The following TRIM55 variants were observed in gnomAD, a reference collection of about 807,000 sequenced individuals.
The protein encoded by TRIM55 is tripartite motif-containing protein 55.
In TRIM55, 50 loss-of-function variants were observed where a neutral mutation model predicts 60.9. The observed-to-expected ratio is 0.82, with a 90% CI of 0.65 to 1.04. The LOEUF (loss-of-function observed/expected upper bound fraction) is 1.04, where lower values mean the gene tolerates loss of function less well. Among genes scored for constraint, TRIM55 ranks in the 50% least tolerant of loss-of-function variants. The probability of loss-of-function intolerance (pLI) is 0.00; values close to 1 mark genes in which losing one functional copy is unlikely to be tolerated. For missense variants in TRIM55, 681 were observed against 666.9 expected (o/e 1.02, Z -0.23); for synonymous variants, 237 against 238.1 (o/e 1.00, Z 0.04).
chr8:66,155,630 T>G (rs369802018), intron 9 of TRIM55: 2 of 1,604,704 alleles, frequency 1.2e-6, no homozygotes, highest in Non-Finnish European at 1.7e-6. Flanking sequence ...CAGGAGTTAG[T>G]AATCTGCCTA....
upstream of TRIM55, among the ~76,000 whole-genome samples, chr8:66,125,227 C>T (rs562064059): frequency 1.1e-4 from 16 of 152,326 alleles, no homozygotes; most frequent in African/African-American, 3.4e-4. Context: ...CAAACTTTCT[C>T]GATTGAGACC....
the TRIM55 span, chr8:66,114,551 T>G: frequency 2.2e-6 from 1 of 456,226 alleles, no homozygotes; most frequent in African/African-American, 2.0e-5. Flanking sequence ...ATAAGATGTC[T>G]GCATTTCCAG....
chr8:66,124,650 T>C (rs1021812017), upstream of TRIM55, among the ~76,000 whole-genome samples: 1 of 152,240 alleles, frequency 6.6e-6, no homozygotes, highest in Non-Finnish European at 1.5e-5. Flanking sequence ...CCAAAATCAT[T>C]AAGCCAAAGG....
intron 8 of TRIM55, 49 bp downstream of exon 8, chr8:66,152,676 T>C (rs746785676): frequency 4.4e-6 from 7 of 1,580,512 alleles, no homozygotes; most frequent in Non-Finnish European, 6.0e-6. Flanking sequence ...CGTGTCTCCT[T>C]ATGGAATAGC....
intron 4 of TRIM55, among the ~76,000 whole-genome samples, chr8:66,137,758 GA>G (rs34634925): frequency 0.38 from 44,012 of 116,156 alleles, 7,514 homozygotes; most frequent in Middle Eastern, 0.5. Flanking sequence ...AATCAACACT[GA>G]AAAAAAAAAA....
chr8:66,136,099 A>G (rs1420913039), intron 3 of TRIM55, among the ~76,000 whole-genome samples: 3 of 152,220 alleles, frequency 2.0e-5, no homozygotes. Flanking sequence ...GATTTTGCAA[A>G]TTATCCACAA....
At chr8:66,116,334 T>C in the TRIM55 span, among the ~76,000 whole-genome samples, 522 of 152,194 alleles carry the variant, frequency 3.4e-3, 1 homozygote, top group African/African-American at 0.012. Context: ...CAGGTCGGCA[T>C]GGTGGCTCAT....
chr8:66,152,060 A>G lies in TRIM55; in HGVS notation c.986-317A>G, dbSNP rs1006087718. On this transcript the variant is annotated intron_variant, in intron 7 of 9. Coordinates refer to ENST00000315962, the MANE Select transcript of TRIM55 (RefSeq NM_184085.2). ...TAAGTGACAATCCCAGGCCTCCAGG[A>G]GCTTGCAGATGTGGCAGACTGTAAT... is the stretch of plus-strand genomic sequence containing the variant. Among the ~76,000 whole-genome samples the G allele has an allele frequency of 4.6e-5, 7 of 152,216 alleles. No homozygotes were observed. The South Asian group carries it at 6.2e-4, about 14-fold the overall frequency.
the TRIM55 span, chr8:66,113,552 A>T: frequency 2.2e-6 from 1 of 456,152 alleles, no homozygotes; most frequent in Non-Finnish European, 4.4e-6. Context: ...GAGCAGTTTG[A>T]AAGTCTAGCG....
intron 9 of TRIM55, among the ~76,000 whole-genome samples, chr8:66,166,796 T>G (rs1206709964): frequency 6.6e-6 from 1 of 152,106 alleles, no homozygotes; most frequent in Non-Finnish European, 1.5e-5. Context: ...CTCCACCAAG[T>G]GGGGCATGCA....
At chr8:66,151,097 G>A (rs1308961717) in intron 7 of TRIM55, among the ~76,000 whole-genome samples, 1 of 152,214 alleles carries the variant, frequency 6.6e-6, no homozygotes, top group Non-Finnish European at 1.5e-5. Context: ...GTCAGCAGGA[G>A]CAAGGTTAAA....
At chr8:66,157,872 T>C (rs550105988) in intron 9 of TRIM55, among the ~76,000 whole-genome samples, 1 of 152,274 alleles carries the variant, frequency 6.6e-6, no homozygotes, top group South Asian at 2.1e-4. Context: ...AAACCGGTCA[T>C]GGCAAAAACC....
chr8:66,126,417 A>C (rs1374758796), upstream of TRIM55, among the ~76,000 whole-genome samples: 1 of 152,202 alleles, frequency 6.6e-6, no homozygotes, highest in African/African-American at 2.4e-5. Flanking sequence ...AGGGCCAAGG[A>C]AGAGGAAAGC....
intron 4 of TRIM55, among the ~76,000 whole-genome samples, chr8:66,147,958 T>C (rs1810196123): frequency 2.0e-5 from 3 of 152,134 alleles, no homozygotes; most frequent in Non-Finnish European, 4.4e-5. Context: ...AAGCAATACA[T>C]GACATAAAAG....
chr8:66,126,421 G>A (rs956460798), upstream of TRIM55, among the ~76,000 whole-genome samples: 1 of 152,184 alleles, frequency 6.6e-6, no homozygotes, highest in Non-Finnish European at 1.5e-5. Flanking sequence ...CCAAGGAAGA[G>A]GAAAGCAATG....
At chr8:66,173,213 C>T (rs915231840) in intron 9 of TRIM55, among the ~76,000 whole-genome samples, 9 of 152,154 alleles carry the variant, frequency 5.9e-5, no homozygotes, top group Non-Finnish European at 1.2e-4. Flanking sequence ...TTTTATTCTA[C>T]TGTGGCTAAT....
At chr8:66,161,448 G>T (rs1352380339) in intron 9 of TRIM55, among the ~76,000 whole-genome samples, 4 of 152,118 alleles carry the variant, frequency 2.6e-5, no homozygotes, top group African/African-American at 7.2e-5. Context: ...ATAGTTTGAA[G>T]TTGGGTAATG....
chr8:66,128,498 A>T (rs374673784), intron 2 of TRIM55, 22 bp downstream of exon 2: 528 of 1,607,634 alleles, frequency 3.3e-4, no homozygotes, highest in Non-Finnish European at 4.2e-4. Flanking sequence ...CCACTCTTCC[A>T]TGTGTCAAGC....
rs1280496512 is a variant in TRIM55, at chr8:66,149,667, A to G, written c.626A>G (p.Gln209Arg). 1.2e-6 allele frequency: 2 copies of G among 1,614,092 alleles called. No homozygotes were observed. Among genetic ancestry groups the G allele is most frequent in the East Asian group, 2.2e-5 (1 of 44,876 alleles). Residue 209 changes from glutamine to arginine, a missense_variant, in exon 5 of 10, where the codon CAA (glutamine) becomes CGA (arginine). Coordinates refer to ENST00000315962, the MANE Select transcript of TRIM55 (RefSeq NM_184085.2). ...TIEECCRKQK[Q>R]ELCEKFDYLY... The stretch of plus-strand genomic sequence containing the variant: ...TAGGAATGTTGCAGAAAACAGAAAC[A>G]AGAGCTTTGTGAGAAGTTTGATTAC...
Sources: allele counts gnomAD v4.1 joint callset (sites outside exome capture counted in the v4.1 genomes callset), GRCh38; gene constraint gnomAD v4.1.1; transcripts MANE v1.5; gene names NCBI Gene and HGNC (gene_info 2026-07-23, HGNC 2026-07-21).